The following PTK2 variants were observed in gnomAD, a reference collection of about 807,000 sequenced individuals.
The protein encoded by PTK2 is focal adhesion kinase 1.
Under a neutral mutation model 150.1 loss-of-function variants are expected in PTK2, and 45 were observed. The observed-to-expected ratio is 0.30, with a 90% CI of 0.24 to 0.38. The LOEUF (loss-of-function observed/expected upper bound fraction) is 0.38, where lower values mean the gene tolerates loss of function less well. PTK2 is among the 10% of genes least tolerant of loss of function. The probability of loss-of-function intolerance (pLI) is 1.00; values close to 1 mark genes in which losing one functional copy is unlikely to be tolerated. For missense variants in PTK2, 919 were observed against 1,307.3 expected (o/e 0.70, Z 4.58); for synonymous variants, 432 against 449.2 (o/e 0.96, Z 0.48).
rs138841694 is a variant in PTK2 at position 140,722,090 on chromosome 8, C to T, written c.2031-4381G>A. Among the ~76,000 whole-genome samples the T allele has an allele frequency of 4.5e-3, 683 of 152,288 alleles. 4 individuals carry two copies. Among genetic ancestry groups the T allele is most frequent in the African/African-American group, 0.016 (646 of 41,550 alleles). On this transcript the variant is annotated intron_variant, in intron 22 of 31. Coordinates refer to ENST00000522684, the Ensembl canonical transcript of PTK2. ...AAGCCCTATCAGTGGAGCAGGTCTA[C>T]TGACTAGTGAAGAAGAGCACATTAC...
chr8:140,761,093 A>G (rs2100069171), intron 16 of PTK2, 72 bp downstream of exon 19: 1 of 1,008,686 alleles, frequency 9.9e-7, no homozygotes, highest in African/African-American at 1.6e-5. Flanking sequence ...GGACTCATGA[A>G]GACAAACAAA....
intron 29 of PTK2, among the ~76,000 whole-genome samples, chr8:140,672,671 T>A (rs2100011272): frequency 1.3e-5 from 2 of 152,230 alleles, no homozygotes; most frequent in South Asian, 4.1e-4. Flanking sequence ...CTGGCAAACC[T>A]GTGCCCTCTA....
At chr8:140,944,199 G>C (rs576968704) in intron 1 of PTK2, among the ~76,000 whole-genome samples, 1 of 152,140 alleles carries the variant, frequency 6.6e-6, no homozygotes, top group African/African-American at 2.4e-5. Context: ...CTGTTTTGAC[G>C]AGTATTTTAT....
At chr8:140,766,134 T>C (rs1324044922) in intron 14 of PTK2, among the ~76,000 whole-genome samples, 2 of 152,152 alleles carry the variant, frequency 1.3e-5, no homozygotes, top group African/African-American at 2.4e-5. Flanking sequence ...TGCCCTGTTA[T>C]CCAAACTGCT....
chr8:140,831,100 G>A (rs540360154), intron 7 of PTK2, among the ~76,000 whole-genome samples: 2 of 152,116 alleles, frequency 1.3e-5, no homozygotes. Flanking sequence ...AGGTAAAAAA[G>A]GTGAATTTAT....
In PTK2 at chr8:140,929,158, G is replaced by T. The variant is rs555828377; in HGVS notation, c.-121-3409C>A. Among the ~76,000 whole-genome samples, 9 of 149,716 alleles carry T rather than the reference G, an allele frequency of 6.0e-5. No homozygotes were observed. The South Asian group carries it at 1.9e-3, about 32-fold the overall frequency. ...TTTTTTGTATTTTTAGTAGAGACGG[G>T]GTTTCACCATTTTAGCCGGGATGGT... On this transcript the variant is annotated intron_variant, in intron 1 of 31. Transcript: ENST00000522684.
intron 8 of PTK2, among the ~76,000 whole-genome samples, chr8:140,828,031 G>A (rs936195721): frequency 2.0e-5 from 3 of 152,054 alleles, no homozygotes; most frequent in Non-Finnish European, 4.4e-5. Flanking sequence ...GCCAGGTGTG[G>A]TGGCAGGCAC....
At chr8:140,691,208 C>A (rs2100023016) in intron 26 of PTK2, among the ~76,000 whole-genome samples, 7 of 150,010 alleles carry the variant, frequency 4.7e-5, no homozygotes, top group Admixed American at 4.7e-4. Flanking sequence ...GGTGGGGGGT[C>A]TCACTATGTT....
At chr8:140,767,289 C>T (rs540181625) in intron 14 of PTK2, among the ~76,000 whole-genome samples, 3 of 150,278 alleles carry the variant, frequency 2.0e-5, no homozygotes, top group Admixed American at 6.6e-5. Flanking sequence ...ATGAATTGTA[C>T]ATAAAATCTC....
intron 14 of PTK2, among the ~76,000 whole-genome samples, chr8:140,771,921 A>C (rs2100075708): frequency 6.6e-6 from 1 of 151,024 alleles, no homozygotes; most frequent in South Asian, 2.1e-4. Flanking sequence ...CTGGGATTAC[A>C]GGCGCCTGCT....
At chr8:140,852,628 A>T (rs2100130015) in intron 5 of PTK2, among the ~76,000 whole-genome samples, 1 of 152,246 alleles carries the variant, frequency 6.6e-6, no homozygotes, top group African/African-American at 2.4e-5. Context: ...ATTGTATGTA[A>T]ATTATACCTC....
At chr8:140,967,331 A>G (rs2100185636) in intron 1 of PTK2, among the ~76,000 whole-genome samples, 1 of 152,208 alleles carries the variant, frequency 6.6e-6, no homozygotes, top group South Asian at 2.1e-4. Context: ...GTTCAATATG[A>G]CATATTGACA....
intron 2 of PTK2, among the ~76,000 whole-genome samples, chr8:140,920,151 T>G (rs556199476): frequency 6.6e-6 from 1 of 152,230 alleles, no homozygotes; most frequent in African/African-American, 2.4e-5. Context: ...ATTTCCTAAC[T>G]TAAATATTTC....
intron 7 of PTK2, among the ~76,000 whole-genome samples, chr8:140,841,780 A>C (rs990773776): frequency 6.6e-6 from 1 of 151,848 alleles, no homozygotes; most frequent in African/African-American, 2.4e-5. Flanking sequence ...GTTAATTTAC[A>C]AAAAAAACTT....
At chr8:140,879,721 A>G (rs2100148080) in intron 3 of PTK2, 84 bp from the exon 4 acceptor site, 1 of 1,129,846 alleles carries the variant, frequency 8.9e-7, no homozygotes, top group Non-Finnish European at 1.2e-6. Context: ...AACAAAAACA[A>G]AACAAAAAAA....
intron 27 of PTK2, among the ~76,000 whole-genome samples, chr8:140,681,841 T>C (rs537932416): frequency 1.3e-5 from 2 of 152,330 alleles, no homozygotes; most frequent in African/African-American, 2.4e-5. Context: ...ATAAGTCCTA[T>C]TTCTAGCAGG....
chr8:140,916,948 G>A (rs1021470078), intron 2 of PTK2, among the ~76,000 whole-genome samples: 1 of 152,150 alleles, frequency 6.6e-6, no homozygotes, highest in African/African-American at 2.4e-5. Context: ...ACAAACATTT[G>A]TGAGAATGGA....
chr8:140,970,706 C>T (rs2100186920), intron 1 of PTK2, among the ~76,000 whole-genome samples: 1 of 152,230 alleles, frequency 6.6e-6, no homozygotes, highest in Non-Finnish European at 1.5e-5. Context: ...GCTCTGGTGC[C>T]TATCCTCAAC....
At chr8:140,908,693 G>C (rs983957610) in intron 2 of PTK2, among the ~76,000 whole-genome samples, 4 of 151,996 alleles carry the variant, frequency 2.6e-5, no homozygotes, top group African/African-American at 9.7e-5. Flanking sequence ...ATTTGGGGGG[G>C]GACACAGCCA....
Sources: gnomAD v4.1 joint callset for allele counts (sites outside exome capture counted in the v4.1 genomes callset) on GRCh38, gnomAD v4.1.1 for gene constraint, MANE v1.5 for transcripts, NCBI Gene and HGNC (gene_info 2026-07-23, HGNC 2026-07-21) for gene names.